PRDM16: variants seen among roughly 807,000 people sequenced by gnomAD.
The protein encoded by PRDM16 is PR/SET domain 16, also known as histone-lysine N-methyltransferase PRDM16.
Under a neutral mutation model 110.6 loss-of-function variants are expected in PRDM16, and 23 were observed. That is an observed-to-expected ratio of 0.21 (90% CI 0.15 to 0.29). The LOEUF is 0.29. PRDM16 is among the 10% of genes least tolerant of loss of function. The probability of loss-of-function intolerance (pLI) is 1.00; values close to 1 mark genes in which losing one functional copy is unlikely to be tolerated. For missense variants in PRDM16, 1,615 were observed against 1,794.3 expected (o/e 0.90, Z 1.81); for synonymous variants, 799 against 781.8 (o/e 1.02, Z -0.37).
Position 3,175,438 on chromosome 1 carries a change from G to A in PRDM16, c.38-10687G>A, listed in dbSNP as rs764258300. Among the ~76,000 whole-genome samples, 1 of 152,062 alleles carries A rather than the reference G, an allele frequency of 6.6e-6. No individual in the cohort carries two copies. Among genetic ancestry groups the A allele is most frequent in the East Asian group, 1.9e-4 (1 of 5,194 alleles). On this transcript the variant is annotated intron_variant, in intron 1 of 16. Coordinates refer to ENST00000270722, the MANE Select transcript of PRDM16 (RefSeq NM_022114.4). The surrounding 1 kb of genome is among the most constrained non-coding windows in gnomAD (Gnocchi z 4.8). ...CCCACAACCACAGCCTGCCTGATGC[G>A]CCCACCTCTCCCTCTCCCTGTTTTG...
At chr1:3,261,200 G>A (rs1640158376) in intron 3 of PRDM16, among the ~76,000 whole-genome samples, 1 of 151,918 alleles carries the variant, frequency 6.6e-6, no homozygotes, top group Non-Finnish European at 1.5e-5. Context: ...CCTCTTAGGT[G>A]ACCTCTCACA....
Position 3,237,255 on chromosome 1 carries a change from C to T in PRDM16, c.388-6832C>T, listed in dbSNP as rs900019886. ...GGGCCATGGCAGAGCTCCCCCCAGG[C>T]TTCCCAACCCCAGGGCTCCTCCGTC... On this transcript the variant is annotated intron_variant, in intron 2 of 16. Transcript: ENST00000270722. Among the ~76,000 whole-genome samples the T allele has an allele frequency of 2.0e-5, 3 of 152,068 alleles. No individual in the cohort carries two copies. In the South Asian group the frequency reaches 6.2e-4, roughly 32 times the overall value.
intron 8 of PRDM16, among the ~76,000 whole-genome samples, chr1:3,408,646 C>T (rs1226458416): frequency 8.1e-6 from 1 of 123,076 alleles, no homozygotes; most frequent in Non-Finnish European, 1.7e-5. Context: ...GAGCTGGTGC[C>T]TGTGTTGGCA....
rs371532027 is a variant in PRDM16 at position 3,385,237 on chromosome 1, C to T, written c.524C>T (p.Ala175Val). The T allele has an allele frequency of 2.0e-5, 32 of 1,613,592 alleles. No individual in the cohort carries two copies. Among genetic ancestry groups the T allele is most frequent in the South Asian group, 7.7e-5 (7 of 91,084 alleles). Residue 175 changes from alanine (A) to valine (V), a missense_variant, in exon 4 of 17, where the codon GCG (alanine) becomes GTG (valine). By Grantham distance (64) the Ala-to-Val change is moderately conservative. Around this residue, in one of 5 missense-constraint regions of PRDM16, gnomAD observed 416 missense variants for 467.1 expected, o/e 0.89. Transcript: ENST00000270722. ...AGSWLKYIRVACSCDDQNLTM... is the reference protein window; with the variant it reads ...AGSWLKYIRVVCSCDDQNLTM... Reference sequence around the variant, plus strand: ...AGCTGGCTCAAGTACATCCGTGTGGCGTGCTCCTGCGATGACCAGAACCTC... The same window carrying T: ...AGCTGGCTCAAGTACATCCGTGTGGTGTGCTCCTGCGATGACCAGAACCTC...
intron 1 of PRDM16, among the ~76,000 whole-genome samples, chr1:3,146,205 C>T (rs1643648017): frequency 6.6e-6 from 1 of 152,352 alleles, no homozygotes; most frequent in African/African-American, 2.4e-5. Flanking sequence ...CAACTCCTTA[C>T]CCTCGGAGGG....
intron 1 of PRDM16, among the ~76,000 whole-genome samples, chr1:3,150,294 G>T (rs910623476): frequency 6.6e-6 from 1 of 151,810 alleles, no homozygotes; most frequent in Non-Finnish European, 1.5e-5. Context: ...AGTGGGTCAC[G>T]CCTGTAATCC....
intron 1 of PRDM16, among the ~76,000 whole-genome samples, chr1:3,178,190 A>G (rs1644110868): frequency 6.6e-6 from 1 of 152,214 alleles, no homozygotes. Flanking sequence ...TGGTCCCCTC[A>G]CACCCAATAA....
At chr1:3,299,416 G>A (rs1222389205) in intron 3 of PRDM16, among the ~76,000 whole-genome samples, 1 of 91,578 alleles carries the variant, frequency 1.1e-5, no homozygotes, top group African/African-American at 3.2e-5. Context: ...ATGCTATGCT[G>A]TGGCCGTGAT....
At position 3,142,153 on chromosome 1, in the gene PRDM16, C is replaced by T. The variant is rs567980197; in HGVS notation, c.38-43972C>T. ...GGCTCCCCCCGTCCAGGGCCATTTC[C>T]GGGGTCTGGTCTTCCAGGAAGAGGT... On this transcript the variant is annotated intron_variant, in intron 1 of 16. Coordinates refer to ENST00000270722, the MANE Select transcript of PRDM16 (RefSeq NM_022114.4). Among the ~76,000 whole-genome samples the T allele has an allele frequency of 2.0e-5, 3 of 152,372 alleles. No homozygotes were observed. In the South Asian group the frequency reaches 6.2e-4, roughly 32 times the overall value.
intron 3 of PRDM16, among the ~76,000 whole-genome samples, chr1:3,352,967 C>CG (rs1343489640): frequency 6.6e-6 from 1 of 152,198 alleles, no homozygotes; most frequent in Non-Finnish European, 1.5e-5. Flanking sequence ...CTGCAGGCTT[C>CG]GGGGCCCATG....
At chr1:3,375,835 G>A (rs896306638) in intron 3 of PRDM16, among the ~76,000 whole-genome samples, 2 of 152,226 alleles carry the variant, frequency 1.3e-5, no homozygotes, top group African/African-American at 2.4e-5. Flanking sequence ...CTGGGAGGTC[G>A]CTCCCCACCC....
At chr1:3,308,912 G>T (rs952460566) in intron 3 of PRDM16, 5 of 152,258 alleles carry the variant, frequency 3.3e-5, no homozygotes, top group African/African-American at 1.2e-4. Context: ...CCGGCTATCG[G>T]GGCCCTGGTG....
chr1:3,094,809 G>A (rs1181477073), intron 1 of PRDM16, among the ~76,000 whole-genome samples: 1 of 152,198 alleles, frequency 6.6e-6, no homozygotes, highest in Non-Finnish European at 1.5e-5. Flanking sequence ...AGCCAGGGAG[G>A]TGGGGCCTTG....
At chr1:3,197,379 G>A (rs1277793772) in intron 2 of PRDM16, among the ~76,000 whole-genome samples, 1 of 152,152 alleles carries the variant, frequency 6.6e-6, no homozygotes, top group African/African-American at 2.4e-5. Context: ...CTCGTCGTGG[G>A]CACTCAGTCC....
intron 2 of PRDM16, among the ~76,000 whole-genome samples, chr1:3,242,283 C>A (rs1002647146): frequency 6.6e-6 from 1 of 152,250 alleles, no homozygotes; most frequent in African/African-American, 2.4e-5. Flanking sequence ...CTCGACGTGC[C>A]TCACGAAGCA....
chr1:3,309,636 GCTGAGCTGTCCTTGTC>G (rs1641400831), intron 3 of PRDM16: 1 of 152,492 alleles, frequency 6.6e-6, no homozygotes, highest in East Asian at 1.9e-4. Flanking sequence ...AGCGGGGTAA[GCTGAGCTGTCCTTGTC>G]CTGGTTGTTT....
At chr1:3,188,076 C>G (rs1031514828) in intron 2 of PRDM16, among the ~76,000 whole-genome samples, 11 of 152,214 alleles carry the variant, frequency 7.2e-5, no homozygotes, top group African/African-American at 2.7e-4. Flanking sequence ...AGTGGAGACA[C>G]TGCCCAGCTT....
rs781709024 is a variant in PRDM16 at position 3,404,903 on chromosome 1, C to T, written c.1032+17C>T. On this transcript the variant is annotated intron_variant, in intron 7 of 16. Coordinates refer to ENST00000270722, the MANE Select transcript of PRDM16 (RefSeq NM_022114.4). ...TGCGTGAAGGTAACCTGCGGGGCGG[C>T]CCCGTCTCAGCCCCGGGGCAGCAGG... 6.2e-7 allele frequency: 1 copy of T among 1,610,908 alleles called. No homozygotes were observed. Among genetic ancestry groups the T allele is most frequent in the Non-Finnish European group, 8.5e-7 (1 of 1,179,076 alleles).
At chr1:3,090,908 A>G (rs886207634) in intron 1 of PRDM16, among the ~76,000 whole-genome samples, 1 of 152,214 alleles carries the variant, frequency 6.6e-6, no homozygotes, top group Non-Finnish European at 1.5e-5. Context: ...CTTCAGAGGC[A>G]CACAGGCCTG....
Sources: gnomAD v4.1 joint callset for allele counts (sites outside exome capture counted in the v4.1 genomes callset) on GRCh38, gnomAD v4.1.1 for gene constraint, gnomAD v4.1.1 regional missense constraint, Gnocchi (gnomAD v3.1) non-coding constraint, MANE v1.5 for transcripts, NCBI Gene and HGNC (gene_info 2026-07-23, HGNC 2026-07-21) for gene names.